CELF2: variants seen among roughly 807,000 people sequenced by gnomAD.
The protein encoded by CELF2 is CUGBP Elav-like family member 2, also known as CUG triplet repeat RNA-binding protein 2.
CELF2 carries 8 observed loss-of-function variants against 62.6 expected under a neutral mutation model. The observed-to-expected ratio is 0.13, with a 90% CI of 0.07 to 0.23. The LOEUF (loss-of-function observed/expected upper bound fraction) is 0.23, where lower values mean the gene tolerates loss of function less well. Among genes scored for constraint, CELF2 ranks in the 10% least tolerant of loss-of-function variants. The pLI, the probability that CELF2 is intolerant of heterozygous loss-of-function variation, is 1.00. For synonymous variants in CELF2, 258 were observed against 250.0 expected (o/e 1.03, Z -0.30); for missense variants, 333 against 671.0 (o/e 0.50, Z 5.56).
At chr10:10,804,851 A>C (rs573954732) in intron 1 of CELF2, among the ~76,000 whole-genome samples, 2 of 152,256 alleles carry the variant, frequency 1.3e-5, no homozygotes, top group South Asian at 4.1e-4. Context: ...GTCTCCTAAG[A>C]TGCATCCCAG....
At chr10:10,606,217 A>G in the CELF2 span, among the ~76,000 whole-genome samples, 1 of 152,224 alleles carries the variant, frequency 6.6e-6, no homozygotes, top group Non-Finnish European at 1.5e-5. Flanking sequence ...GAATATGTGC[A>G]GCATGAAGAT....
chr10:11,110,979 A>G lies in CELF2; in HGVS notation c.75-54507A>G, dbSNP rs1461305235. 6.6e-6 allele frequency among the ~76,000 whole-genome samples: 1 copy of G among 152,170 alleles called. No homozygotes were observed. The highest frequency in any genetic ancestry group is 1.5e-5 in the Non-Finnish European group (1 of 68,028). On this transcript the variant is annotated intron_variant, in intron 1 of 12. Coordinates refer to ENST00000633077, the MANE Select transcript of CELF2 (RefSeq NM_001326342.2). The surrounding 1 kb of genome is among the most constrained non-coding windows in gnomAD (Gnocchi z 4.0). Reference sequence around the variant, plus strand: ...AAGGCCCTTTTGGGAGAAGGGTTATAAGGTTGGAAGATAATCAGCTCAGCC... The same window carrying G: ...AAGGCCCTTTTGGGAGAAGGGTTATGAGGTTGGAAGATAATCAGCTCAGCC...
At chr10:11,120,100 A>G (rs1310901430) in intron 1 of CELF2, among the ~76,000 whole-genome samples, 1 of 152,140 alleles carries the variant, frequency 6.6e-6, no homozygotes. Context: ...GGTTCATTTG[A>G]GTCAGCAAGC....
At chr10:10,924,280 C>T (rs11256919) in intron 2 of CELF2, among the ~76,000 whole-genome samples, 26,852 of 52,004 alleles carry the variant, frequency 0.52, 5,392 homozygotes, top group East Asian at 0.66. Context: ...AGACTCCGTC[C>T]CAAAAAAAAA....
the CELF2 span, among the ~76,000 whole-genome samples, chr10:10,739,613 A>T: frequency 6.6e-6 from 1 of 152,204 alleles, no homozygotes; most frequent in Non-Finnish European, 1.5e-5. Context: ...ACTACAGAAC[A>T]TATTCATATT....
the CELF2 span, among the ~76,000 whole-genome samples, chr10:10,773,348 A>G: frequency 6.6e-6 from 1 of 152,334 alleles, no homozygotes; most frequent in East Asian, 1.9e-4. Flanking sequence ...TTCTCCTGTA[A>G]CTTTTCAAAC....
At chr10:11,286,578 G>A (rs2091368063) in intron 8 of CELF2, among the ~76,000 whole-genome samples, 1 of 152,236 alleles carries the variant, frequency 6.6e-6, no homozygotes, top group Non-Finnish European at 1.5e-5. Flanking sequence ...TTGGTCTGCA[G>A]TAGGGCCAGG....
chr10:11,187,597 C>T (rs551501425), intron 2 of CELF2, among the ~76,000 whole-genome samples: 80 of 150,960 alleles, frequency 5.3e-4, no homozygotes, highest in South Asian at 4.1e-3. Flanking sequence ...CTGTTCTTCC[C>T]TTTTGCCTCT....
At chr10:11,089,474 T>A (rs1377753458) in intron 1 of CELF2, among the ~76,000 whole-genome samples, 1 of 151,980 alleles carries the variant, frequency 6.6e-6, no homozygotes, top group Non-Finnish European at 1.5e-5. Context: ...ATCTCGACAT[T>A]TAGAAGAGCA....
intron 3 of CELF2, among the ~76,000 whole-genome samples, chr10:11,231,357 C>T (rs2068577142): frequency 6.6e-6 from 1 of 152,202 alleles, no homozygotes; most frequent in Admixed American, 6.5e-5. Context: ...ATTAGACCAG[C>T]ATCAAAGAGT....
At chr10:10,927,365 A>AAAAAAAC (rs2065622575) in intron 2 of CELF2, 1 of 151,184 alleles carries the variant, frequency 6.6e-6, no homozygotes, top group Non-Finnish European at 1.5e-5. Context: ...AAAAAAAAAA[A>AAAAAAAC]ACACCTTTTT....
intron 1 of CELF2, among the ~76,000 whole-genome samples, chr10:11,076,062 G>C (rs1377557831): frequency 1.3e-5 from 2 of 151,968 alleles, no homozygotes; most frequent in Non-Finnish European, 2.9e-5. Flanking sequence ...AAACAAGTCA[G>C]ATCCATTGTG....
At chr10:10,714,301 A>G in the CELF2 span, among the ~76,000 whole-genome samples, 2 of 152,148 alleles carry the variant, frequency 1.3e-5, no homozygotes, top group African/African-American at 2.4e-5. Flanking sequence ...CATCATCAGC[A>G]TTTTCTTTGG....
At chr10:11,299,894 G>A (rs926016974) in intron 9 of CELF2, among the ~76,000 whole-genome samples, 1 of 151,852 alleles carries the variant, frequency 6.6e-6, no homozygotes, top group African/African-American at 2.4e-5. Flanking sequence ...ATATACTTTT[G>A]TTTCAGTAAA....
At chr10:10,692,141 G>A in the CELF2 span, among the ~76,000 whole-genome samples, 9 of 141,556 alleles carry the variant, frequency 6.4e-5, no homozygotes, top group Non-Finnish European at 3.1e-5. Flanking sequence ...TATGGTTTTA[G>A]GTCTAACGTT....
At chr10:11,193,137 G>A (rs1213477139) in intron 2 of CELF2, among the ~76,000 whole-genome samples, 6 of 152,146 alleles carry the variant, frequency 3.9e-5, no homozygotes, top group South Asian at 2.1e-4. Flanking sequence ...CTTCAGCCTC[G>A]CGTGGGGCTT....
intron 2 of CELF2, among the ~76,000 whole-genome samples, chr10:10,954,604 C>A (rs1008499788): frequency 6.6e-6 from 1 of 152,188 alleles, no homozygotes; most frequent in Admixed American, 6.5e-5. Context: ...AGCAATTCCA[C>A]TTCTAGGAAT....
upstream of CELF2, among the ~76,000 whole-genome samples, chr10:10,794,439 C>T (rs929379644): frequency 1.3e-5 from 2 of 152,162 alleles, no homozygotes; most frequent in African/African-American, 2.4e-5. Context: ...TAAAGCAAGC[C>T]GCTCCAAAAC....
rs2093599388 is a variant in CELF2, at chr10:11,300,320, T to TTC, written c.976+11769_976+11770dup. On this transcript the variant is annotated intron_variant, in intron 9 of 12. Transcript: ENST00000633077. This position sits in a 1 kb window ranked among gnomAD's most constrained non-coding sequence, Gnocchi z 5.5. The stretch of plus-strand genomic sequence containing the variant: ...CAGACCCGGCCCTCTAGACTGAATT[T>TTC]TCCTCTTCCCAGTCTTCCTGAGAAC... Among the ~76,000 whole-genome samples, 1 of 152,202 alleles carries TTC rather than the reference T, an allele frequency of 6.6e-6. No homozygotes were observed. The highest frequency in any genetic ancestry group is 2.4e-5 in the African/African-American group (1 of 41,440).
Sources: gnomAD v4.1 joint callset for allele counts (sites outside exome capture counted in the v4.1 genomes callset) on GRCh38, gnomAD v4.1.1 for gene constraint, Gnocchi (gnomAD v3.1) non-coding constraint, MANE v1.5 for transcripts, NCBI Gene and HGNC (gene_info 2026-07-23, HGNC 2026-07-21) for gene names.